Variants in SNTB2 observed in about 807,000 individuals in gnomAD.
SNTB2 encodes the protein beta-2-syntrophin.
In SNTB2, 34 loss-of-function variants were observed where a neutral mutation model predicts 46.2. The ratio of observed to expected loss-of-function variants is 0.74; its 90% confidence interval spans 0.56 to 0.98. The LOEUF (loss-of-function observed/expected upper bound fraction) is 0.98. Among genes scored for constraint, SNTB2 ranks in the 50% least tolerant of loss-of-function variants. SNTB2 has a pLI of 0.00. For synonymous variants in SNTB2, 290 were observed against 312.6 expected, an observed-to-expected ratio of 0.93 and a Z score of 0.76; for missense variants, 603 against 731.4, an observed-to-expected ratio of 0.82 and a Z score of 2.02.
Position 69,307,734 on chromosome 16 carries a change from C to T in SNTB2, c.*6810C>T, listed in dbSNP as rs1965326442. On this transcript the variant is annotated 3_prime_UTR_variant, in exon 7 of 7. Transcript: ENST00000336278. The stretch of plus-strand genomic sequence containing the variant: ...CCAAGGCAGGAGGATCACTTTAGCC[C>T]AGGAGGTCCAGACCAGCCTGGGCAA... 3 of 150,914 alleles carry T rather than the reference C, an allele frequency of 2.0e-5. No individual in the cohort carries two copies. Among genetic ancestry groups the T allele is most frequent in the Non-Finnish European group, 2.9e-5 (2 of 67,858 alleles). 9.3% of individuals were successfully genotyped at this position (150,914 alleles called of 1,614,324 possible).
intron 1 of SNTB2, among the ~76,000 whole-genome samples, chr16:69,231,363 C>T (rs1228005238): frequency 6.6e-6 from 1 of 151,666 alleles, no homozygotes; most frequent in Admixed American, 6.6e-5. Flanking sequence ...CTGAGGCAGG[C>T]GGATCATCTG....
chr16:69,234,989 C>T (rs1011520104), intron 1 of SNTB2, among the ~76,000 whole-genome samples: 1 of 152,094 alleles, frequency 6.6e-6, no homozygotes, highest in Non-Finnish European at 1.5e-5. Context: ...AGGTGTGAGC[C>T]ACTGCGCCCG....
Position 69,300,904 on chromosome 16 carries a change from C to T in SNTB2, c.1603C>T (p.Arg535Cys), listed in dbSNP as rs370138489. The T allele has an allele frequency of 1.2e-6, 2 of 1,611,714 alleles. No homozygotes were observed. The highest frequency in any genetic ancestry group is 1.7e-6 in the Non-Finnish European group (2 of 1,178,086). Residue 535 changes from arginine to cysteine, a missense_variant, in exon 7 of 7, where the codon CGT becomes TGT. Arg to Cys is a radical substitution (Grantham distance 180). Coordinates refer to ENST00000336278, the MANE Select transcript of SNTB2 (RefSeq NM_006750.4). ...CACGTTTTTATCGGCCAAAGTCACTCGTATGGGACTGCTTGTATGAGCAAC... is the reference window on the plus strand; with the variant it reads ...CACGTTTTTATCGGCCAAAGTCACTTGTATGGGACTGCTTGTATGAGCAAC... ...LHTFLSAKVT[R>C]MGLLV
rs1483573221 is a variant in SNTB2, at chr16:69,270,243, C to T, written c.1106C>T (p.Ala369Val). 6.2e-6 allele frequency: 10 copies of T among 1,614,038 alleles called. No individual in the cohort carries two copies. Among genetic ancestry groups the T allele is most frequent in the Non-Finnish European group, 8.5e-6 (10 of 1,180,024 alleles). The change falls in exon 4 of 7, where the codon GCC (alanine) becomes GTC (valine). Residue 369 changes from alanine (A) to valine (V), a missense_variant. Physicochemically the swap from Ala to Val is moderately conservative, Grantham distance 64. This residue lies in a region of SNTB2 where 537 missense variants were observed against 692.4 expected (regional missense o/e 0.78). Coordinates refer to ENST00000336278, the MANE Select transcript of SNTB2 (RefSeq NM_006750.4). ...GACTGTATGCCGTGGACAAGAGATGCCTGGGCGTCACCATGCCACAGCTAC... is the reference window on the plus strand; with the variant it reads ...GACTGTATGCCGTGGACAAGAGATGTCTGGGCGTCACCATGCCACAGCTAC... ...LYDCMPWTRD[A>V]WASPCHSYPL...
At chr16:69,263,760 G>A (rs765173514) in intron 3 of SNTB2, among the ~76,000 whole-genome samples, 1 of 152,120 alleles carries the variant, frequency 6.6e-6, no homozygotes, top group Admixed American at 6.6e-5. Context: ...CCACCAAATG[G>A]AGGACATGTA....
intron 4 of SNTB2, among the ~76,000 whole-genome samples, chr16:69,278,143 C>T (rs752500830): frequency 2.6e-5 from 4 of 152,066 alleles, no homozygotes; most frequent in Non-Finnish European, 5.9e-5. Context: ...ATAATGAGAC[C>T]ACATCTCTAC....
At chr16:69,207,532 A>T (rs1221500158) in intron 1 of SNTB2, among the ~76,000 whole-genome samples, 2 of 152,182 alleles carry the variant, frequency 1.3e-5, no homozygotes, top group Non-Finnish European at 2.9e-5. Flanking sequence ...AGTAGATAAG[A>T]AAATAAGAAA....
chr16:69,268,017 T>A (rs569273523), intron 3 of SNTB2, among the ~76,000 whole-genome samples: 1 of 152,316 alleles, frequency 6.6e-6, no homozygotes, highest in African/African-American at 2.4e-5. Context: ...TGACAGGGCT[T>A]TTCTTGAATA....
At chr16:69,295,743 A>G (rs1437796982) in intron 5 of SNTB2, among the ~76,000 whole-genome samples, 1 of 152,002 alleles carries the variant, frequency 6.6e-6, no homozygotes, top group Non-Finnish European at 1.5e-5. Context: ...AAAAAAAAAA[A>G]AAGCCACTTC....
chr16:69,235,890 G>T, intron 1 of SNTB2: 1 of 1,277,386 alleles, frequency 7.8e-7, no homozygotes, highest in Non-Finnish European at 1.0e-6. Flanking sequence ...TTGTGTGGAT[G>T]CAGTCCCATT....
intron 4 of SNTB2, among the ~76,000 whole-genome samples, chr16:69,278,930 G>GTGTGTT (rs1326030770): frequency 1.4e-5 from 2 of 144,352 alleles, no homozygotes; most frequent in African/African-American, 2.6e-5. Flanking sequence ...GTGTGTGTGT[G>GTGTGTT]TGTTAATAAA....
At chr16:69,255,010 A>G (rs1401479395) in intron 2 of SNTB2, among the ~76,000 whole-genome samples, 3 of 152,118 alleles carry the variant, frequency 2.0e-5, no homozygotes, top group African/African-American at 7.2e-5. Flanking sequence ...TTCTTCTTGC[A>G]TTCAATTAAA....
chr16:69,196,376 C>CT (rs533787609), intron 1 of SNTB2, among the ~76,000 whole-genome samples: 4,091 of 134,584 alleles, frequency 0.03, 143 homozygotes, highest in African/African-American at 0.082. Flanking sequence ...TTTTCTTTTT[C>CT]TTTTTTTTTT....
At chr16:69,217,508 T>TA (rs1964360744) in intron 1 of SNTB2, among the ~76,000 whole-genome samples, 1 of 152,196 alleles carries the variant, frequency 6.6e-6, no homozygotes, top group African/African-American at 2.4e-5. Flanking sequence ...AATGCTCACT[T>TA]ACTCTCATAA....
At chr16:69,212,131 T>C (rs1166492963) in intron 1 of SNTB2, among the ~76,000 whole-genome samples, 1 of 152,166 alleles carries the variant, frequency 6.6e-6, no homozygotes, top group Non-Finnish European at 1.5e-5. Context: ...CTTTCATTTG[T>C]CTGAATGTTT....
At chr16:69,281,932 T>G (rs1597199195) in intron 4 of SNTB2, among the ~76,000 whole-genome samples, 3 of 131,852 alleles carry the variant, frequency 2.3e-5, no homozygotes, top group Admixed American at 8.1e-5. Flanking sequence ...TGAGAGGGAG[T>G]CTCGCTCTTG....
chr16:69,245,612 C>T lies in SNTB2; in HGVS notation c.591C>T (p.Ile197=). The T allele has an allele frequency of 6.2e-7, 1 of 1,613,840 alleles. No homozygotes were observed. The highest frequency in any genetic ancestry group is 8.5e-7 in the Non-Finnish European group (1 of 1,179,836). ...TTTTTTTGTTCATAGTCAAGTTCAT[C>T]CGAGAAGTAACACCATATATCAAGA... is the stretch of plus-strand genomic sequence containing the variant. ...GKEVLLEVKF[I]REVTPYIKKP... Residue 197 remains isoleucine, a synonymous_variant, in exon 2 of 7, where the codon ATC becomes ATT. Coordinates refer to ENST00000336278, the MANE Select transcript of SNTB2 (RefSeq NM_006750.4).
chr16:69,198,576 T>C (rs1479180015), intron 1 of SNTB2, among the ~76,000 whole-genome samples: 1 of 152,186 alleles, frequency 6.6e-6, no homozygotes, highest in Non-Finnish European at 1.5e-5. Context: ...TCATATCCTC[T>C]CCTACTTCTT....
intron 2 of SNTB2, among the ~76,000 whole-genome samples, chr16:69,249,248 A>G (rs1219386212): frequency 2.0e-5 from 3 of 151,466 alleles, no homozygotes; most frequent in East Asian, 3.9e-4. Flanking sequence ...GTGGTCTCCA[A>G]CTCCTAGATT....
Sources: gnomAD v4.1 joint callset for allele counts (sites outside exome capture counted in the v4.1 genomes callset) on GRCh38, gnomAD v4.1.1 for gene constraint, gnomAD v4.1.1 regional missense constraint, MANE v1.5 for transcripts, NCBI Gene and HGNC (gene_info 2026-07-23, HGNC 2026-07-21) for gene names.